Variants in SLC5A4 observed in about 807,000 individuals in gnomAD.
SLC5A4 encodes the protein solute carrier family 5 member 4.
Under a neutral mutation model 70.3 loss-of-function variants are expected in SLC5A4, and 55 were observed. The observed-to-expected ratio is 0.78, with a 90% CI of 0.63 to 0.98. The LOEUF is 0.98. Ranked by LOEUF, SLC5A4 falls within the 50% of genes least tolerant of loss-of-function variation. SLC5A4 has a pLI of 0.00. For synonymous variants in SLC5A4, 268 were observed against 305.7 expected, an observed-to-expected ratio of 0.88 and a Z score of 1.29; for missense variants, 735 against 839.2, an observed-to-expected ratio of 0.88 and a Z score of 1.53.
the SLC5A4 span, chr22:32,269,783 C>T: frequency 1.5e-6 from 1 of 684,926 alleles, no homozygotes; most frequent in Non-Finnish European, 2.7e-6. This position sits in a 1 kb window ranked among gnomAD's most constrained non-coding sequence, Gnocchi z 4.1. Flanking sequence ...TGGACTGCGC[C>T]CAGGCCACCT....
chr22:32,303,018 ATTTG>A, the SLC5A4 span, among the ~76,000 whole-genome samples: 2 of 150,824 alleles, frequency 1.3e-5, no homozygotes, highest in East Asian at 1.9e-4. Context: ...TAAAAAAATA[ATTTG>A]TTTACTTATT....
At chr22:32,344,843 T>C in the SLC5A4 span, among the ~76,000 whole-genome samples, 1 of 152,136 alleles carries the variant, frequency 6.6e-6, no homozygotes, top group Non-Finnish European at 1.5e-5. Flanking sequence ...TGCTCACTGA[T>C]TAGCGTACCC....
Position 32,239,563 on chromosome 22 carries a change from T to TATAA in SLC5A4, c.478-474_478-473insTTAT, listed in dbSNP as rs1926345538. On this transcript the variant is annotated intron_variant, in intron 5 of 14. Transcript: ENST00000266086. ...ATATATATATATATATATATATATA[T>TATAA]ATATATTTATATATATATTTATATA... 9.3e-5 allele frequency among the ~76,000 whole-genome samples: 2 copies of TATAA among 21,416 alleles called. 1 individual carries two copies. The highest frequency in any genetic ancestry group is 5.0e-4 in the African/African-American group (2 of 4,030). 14.0% of individuals were successfully genotyped at this position (21,416 alleles called of 152,430 possible).
At chr22:32,317,473 T>C in the SLC5A4 span, among the ~76,000 whole-genome samples, 2 of 144,620 alleles carry the variant, frequency 1.4e-5, 1 homozygote, top group South Asian at 4.2e-4. Context: ...AATTATTTTA[T>C]TTTTTTAGAG....
Position 32,221,010 on chromosome 22 carries a change from A to G in SLC5A4, c.1678T>C (p.Cys560Arg), listed in dbSNP as rs759160163. Residue 560 changes from cysteine (C) to arginine (R), a missense_variant, in exon 14 of 15, where the codon TGC becomes CGC. Transcript: ENST00000266086. ...TCTGTACTGTTCCGAAGAACCCAGC[A>G]CAGGCGGTACAGCTGAACAGGGACC... ...PIPDVHLYRL[C>R]WVLRNSTEER... 1.2e-6 allele frequency: 2 copies of G among 1,612,748 alleles called. No individual in the cohort carries two copies. Among genetic ancestry groups the G allele is most frequent in the Admixed American group, 3.3e-5 (2 of 60,024 alleles).
chr22:32,269,078 A>G, the SLC5A4 span, among the ~76,000 whole-genome samples: 135 of 152,170 alleles, frequency 8.9e-4, no homozygotes, highest in African/African-American at 3.1e-3. This position sits in a 1 kb window ranked among gnomAD's most constrained non-coding sequence, Gnocchi z 4.1. Context: ...TTTTTAGTAA[A>G]CACAGGGTTT....
the SLC5A4 span, among the ~76,000 whole-genome samples, chr22:32,306,321 C>T: frequency 1.7e-5 from 2 of 118,848 alleles, no homozygotes; most frequent in African/African-American, 3.2e-5. Context: ...AAAAATTAGC[C>T]AGGTGTGGTG....
At chr22:32,330,986 G>T in the SLC5A4 span, among the ~76,000 whole-genome samples, 76 of 1,388 alleles carry the variant, frequency 0.055, 3 homozygotes, top group Middle Eastern at 0.17. Flanking sequence ...TGTGTGTGTT[G>T]GGGGCTCTGG....
the SLC5A4 span, among the ~76,000 whole-genome samples, chr22:32,349,120 G>GT: frequency 6.6e-6 from 1 of 152,046 alleles, no homozygotes; most frequent in Non-Finnish European, 1.5e-5. Context: ...GATTACAGGC[G>GT]TGTGTTACCA....
the SLC5A4 span, among the ~76,000 whole-genome samples, chr22:32,300,344 C>T: frequency 5.9e-5 from 9 of 151,626 alleles, no homozygotes; most frequent in African/African-American, 9.7e-5. Flanking sequence ...GAGCCAGGTG[C>T]GGGATATAAT....
the SLC5A4 span, among the ~76,000 whole-genome samples, chr22:32,318,038 A>G: frequency 6.6e-6 from 1 of 152,032 alleles, no homozygotes; most frequent in Non-Finnish European, 1.5e-5. Context: ...TCATCCTCAC[A>G]GCAGCATTGA....
the SLC5A4 span, among the ~76,000 whole-genome samples, chr22:32,320,969 C>T: frequency 0.028 from 4,289 of 152,302 alleles, 76 homozygotes; most frequent in East Asian, 0.035. Flanking sequence ...TAGGGAACTG[C>T]ATTAGCATGA....
the SLC5A4 span, among the ~76,000 whole-genome samples, chr22:32,262,290 T>G: frequency 5.2e-3 from 788 of 152,248 alleles, 9 homozygotes; most frequent in African/African-American, 0.018. Context: ...TTCCCATCAA[T>G]AGTGTGTGAG....
chr22:32,247,365 C>G (rs1296480387), intron 5 of SLC5A4, 46 bp downstream of exon 5: 1 of 1,207,708 alleles, frequency 8.3e-7, no homozygotes, highest in East Asian at 2.3e-5. Context: ...CTGGCCCCAT[C>G]TGACCAACCT....
chr22:32,260,469 T>G, the SLC5A4 span, among the ~76,000 whole-genome samples: 5 of 150,838 alleles, frequency 3.3e-5, no homozygotes, highest in Admixed American at 2.6e-4. Context: ...CAAGGCCAGC[T>G]GTATTCCCCC....
the SLC5A4 span, among the ~76,000 whole-genome samples, chr22:32,304,853 TTTTTTTC>T: frequency 2.0e-5 from 3 of 151,706 alleles, no homozygotes; most frequent in African/African-American, 4.8e-5. Context: ...TTCTACAGTT[TTTTTTTC>T]TTTTTCACTT....
At chr22:32,330,387 CTG>C in the SLC5A4 span, among the ~76,000 whole-genome samples, 2 of 28,488 alleles carry the variant, frequency 7.0e-5, no homozygotes, top group Non-Finnish European at 5.7e-5. Flanking sequence ...GTTGGGGGCT[CTG>C]TGTATTGGGG....
chr22:32,334,124 T>C, the SLC5A4 span, among the ~76,000 whole-genome samples: 1 of 133,214 alleles, frequency 7.5e-6, no homozygotes, highest in South Asian at 2.5e-4. Flanking sequence ...ACAATATACA[T>C]ATACACACCA....
chr22:32,337,828 G>A, the SLC5A4 span, among the ~76,000 whole-genome samples: 2 of 151,296 alleles, frequency 1.3e-5, no homozygotes, highest in Non-Finnish European at 2.9e-5. Flanking sequence ...AGACACAACA[G>A]ATGCAAATAA....
Sources: allele counts gnomAD v4.1 joint callset (sites outside exome capture counted in the v4.1 genomes callset), GRCh38; gene constraint gnomAD v4.1.1; non-coding constraint Gnocchi (gnomAD v3.1); transcripts MANE v1.5; gene names NCBI Gene and HGNC (gene_info 2026-07-23, HGNC 2026-07-21).